RADIL: variants seen among roughly 807,000 people sequenced by gnomAD.
RADIL encodes ras-associating and dilute domain-containing protein.
RADIL carries 99 observed loss-of-function variants against 97.6 expected under a neutral mutation model. That is an observed-to-expected ratio of 1.01 (90% CI 0.86 to 1.20). The LOEUF (loss-of-function observed/expected upper bound fraction) is 1.20, where lower values mean the gene tolerates loss of function less well. Among genes scored for constraint, RADIL ranks in the 50% most tolerant of loss-of-function variants. The pLI, the probability that RADIL is intolerant of heterozygous loss-of-function variation, is 0.00. For synonymous variants in RADIL, 803 were observed against 691.8 expected, an observed-to-expected ratio of 1.16 and a Z score of -2.52; for missense variants, 1,765 against 1,498.9, an observed-to-expected ratio of 1.18 and a Z score of -2.93.
chr7:4,858,298 G>C (rs900950982), intron 2 of RADIL: 1 of 152,302 alleles, frequency 6.6e-6, no homozygotes, highest in Middle Eastern at 3.4e-3. Flanking sequence ...TTAAAGCAAG[G>C]CTAATTGGAA....
At chr7:4,826,731 TCAAAAAAAAAAAA>T (rs1476913183) in intron 5 of RADIL, among the ~76,000 whole-genome samples, 3 of 102,914 alleles carry the variant, frequency 2.9e-5, no homozygotes, top group South Asian at 5.8e-4. Context: ...AGACTCCGTC[TCAAAAAAAAAAAA>T]CAAAAAAAAA....
intron 5 of RADIL, among the ~76,000 whole-genome samples, chr7:4,825,130 A>T (rs959802508): frequency 1.3e-5 from 2 of 151,028 alleles, no homozygotes; most frequent in African/African-American, 4.9e-5. Context: ...GGGGAAGGGC[A>T]CTCGGGGGGG....
intron 9 of RADIL, among the ~76,000 whole-genome samples, chr7:4,806,956 G>A (rs962326665): frequency 7.2e-5 from 11 of 152,194 alleles, no homozygotes; most frequent in African/African-American, 2.4e-4. Flanking sequence ...TCGTCCTGCA[G>A]CCCTGGGATG....
At chr7:4,804,615 C>T (rs778610313) in intron 10 of RADIL, among the ~76,000 whole-genome samples, 15 of 151,914 alleles carry the variant, frequency 9.9e-5, no homozygotes, top group East Asian at 1.9e-4. Context: ...GGTGAAACCC[C>T]GTCTCTACCA....
chr7:4,861,839 T>TCCCCCACCACCGCGACCTTCACGTC, intron 2 of RADIL: 1 of 1,396,120 alleles, frequency 7.2e-7, no homozygotes, highest in Non-Finnish European at 9.3e-7. Flanking sequence ...CCAGGGCACG[T>TCCCCCACCACCGCGACCTTCACGTC]CCCCCACCAC....
At position 4,818,989 on chromosome 7, in the gene RADIL, G is replaced by T. The variant is rs190174063; in HGVS notation, c.1616-1638C>A. The stretch of plus-strand genomic sequence containing the variant: ...GCTGGTCTGGAACTCCAATCTACCC[G>T]CCTTGGCCCCCCAAAGTGCTGGGAT... On this transcript the variant is annotated intron_variant, in intron 6 of 14. Coordinates refer to ENST00000399583, the MANE Select transcript of RADIL (RefSeq NM_018059.5). The surrounding 1 kb of genome is among the most constrained non-coding windows in gnomAD (Gnocchi z 7.1). Among the ~76,000 whole-genome samples, 1 of 151,492 alleles carries T rather than the reference G, an allele frequency of 6.6e-6. No individual in the cohort carries two copies. Among genetic ancestry groups the T allele is most frequent in the South Asian group, 2.1e-4 (1 of 4,794 alleles).
chr7:4,823,011 A>G (rs1426026917), intron 5 of RADIL, among the ~76,000 whole-genome samples: 2 of 152,234 alleles, frequency 1.3e-5, no homozygotes, highest in African/African-American at 2.4e-5. Flanking sequence ...AAAGGAAATA[A>G]ACAATAATAG....
At chr7:4,860,695 G>C (rs1355676086) in intron 2 of RADIL, 1 of 1,614,020 alleles carries the variant, frequency 6.2e-7, no homozygotes, top group African/African-American at 1.3e-5. Flanking sequence ...TATAATGCTT[G>C]TACTTTTGAA....
intron 10 of RADIL, among the ~76,000 whole-genome samples, chr7:4,804,892 C>G (rs181102014): frequency 1.3e-5 from 2 of 151,792 alleles, no homozygotes; most frequent in Non-Finnish European, 2.9e-5. Flanking sequence ...GTCAGGAGTT[C>G]GAGACCAGCC....
At position 4,842,328 on chromosome 7, in the gene RADIL, C is replaced by T. The variant is rs907257296; in HGVS notation, c.536-5723G>A. 6.6e-6 allele frequency among the ~76,000 whole-genome samples: 1 copy of T among 152,190 alleles called. No individual in the cohort carries two copies. The highest frequency in any genetic ancestry group is 1.5e-5 in the Non-Finnish European group (1 of 68,030). On this transcript the variant is annotated intron_variant, in intron 2 of 14. Coordinates refer to ENST00000399583, the MANE Select transcript of RADIL (RefSeq NM_018059.5). This position sits in a 1 kb window ranked among gnomAD's most constrained non-coding sequence, Gnocchi z 4.5. Reference sequence around the variant, plus strand: ...AAGCTCTGTTAGCGGCCTTCCTCCCCAGCCTGGGCCAAGCCGAGCTGCTGA... The same window carrying T: ...AAGCTCTGTTAGCGGCCTTCCTCCCTAGCCTGGGCCAAGCCGAGCTGCTGA...
intron 11 of RADIL, among the ~76,000 whole-genome samples, chr7:4,802,893 C>T (rs555692085): frequency 8.8e-4 from 105 of 119,714 alleles, no homozygotes; most frequent in African/African-American, 3.8e-3. Context: ...CTGGGGGGCC[C>T]CCTCCCCGGG....
chr7:4,844,623 A>G (rs897630732), intron 2 of RADIL, among the ~76,000 whole-genome samples: 5 of 152,082 alleles, frequency 3.3e-5, no homozygotes, highest in African/African-American at 1.2e-4. Context: ...TTTGTTTTTG[A>G]GAGAGGGTCT....
At chr7:4,838,900 T>C (rs1233479181) in intron 2 of RADIL, among the ~76,000 whole-genome samples, 2 of 152,244 alleles carry the variant, frequency 1.3e-5, no homozygotes, top group Non-Finnish European at 2.9e-5. Context: ...CTCAGTCCCC[T>C]GCTGTGGAAC....
rs11981352 is a variant in RADIL at position 4,817,947 on chromosome 7, C to T, written c.1616-596G>A. Among the ~76,000 whole-genome samples, 12,675 of 152,296 alleles carry T rather than the reference C, an allele frequency of 0.083. 1,181 individuals carry two copies. Among genetic ancestry groups the T allele is most frequent in the African/African-American group, 0.23 (9,739 of 41,546 alleles). ...TGGGAGGCCCCCAACAGGGTGGAGC[C>T]TTCCCCGGGGGCTTCCAGAAAGTGA... On this transcript the variant is annotated intron_variant, in intron 6 of 14. Transcript: ENST00000399583. This position sits in a 1 kb window ranked among gnomAD's most constrained non-coding sequence, Gnocchi z 8.3.
chr7:4,876,282 C>A (rs1784374534), intron 2 of RADIL, among the ~76,000 whole-genome samples: 1 of 152,056 alleles, frequency 6.6e-6, no homozygotes, highest in African/African-American at 2.4e-5. Flanking sequence ...AGCCACCACA[C>A]CCGGCCAAAT....
intron 1 of RADIL, among the ~76,000 whole-genome samples, chr7:4,881,944 A>T (rs1056978645): frequency 2.2e-5 from 3 of 135,314 alleles, no homozygotes; most frequent in African/African-American, 8.5e-5. Flanking sequence ...TGTTCCCCCC[A>T]CTTCCCCCCA....
Position 4,867,238 on chromosome 7 carries a change from C to T in RADIL, c.535+10367G>A, listed in dbSNP as rs1784150667. 6.6e-6 allele frequency among the ~76,000 whole-genome samples: 1 copy of T among 152,174 alleles called. No individual in the cohort carries two copies. The highest frequency in any genetic ancestry group is 1.5e-5 in the Non-Finnish European group (1 of 68,032). ...GCTTCTGAGGAAGCTGCTGTCCAGCCATGCTCACCAGGAAATGACATGCAC... is the reference window on the plus strand; with the variant it reads ...GCTTCTGAGGAAGCTGCTGTCCAGCTATGCTCACCAGGAAATGACATGCAC... On this transcript the variant is annotated intron_variant, in intron 2 of 14. Coordinates refer to ENST00000399583, the MANE Select transcript of RADIL (RefSeq NM_018059.5). This position sits in a 1 kb window ranked among gnomAD's most constrained non-coding sequence, Gnocchi z 4.1.
At chr7:4,875,967 G>T (rs888729311) in intron 2 of RADIL, among the ~76,000 whole-genome samples, 2 of 152,094 alleles carry the variant, frequency 1.3e-5, no homozygotes, top group African/African-American at 4.8e-5. Context: ...CAGACTTTAA[G>T]AGCCATAATT....
Position 4,821,089 on chromosome 7 carries a change from G to A in RADIL, c.1615+1305C>T, listed in dbSNP as rs1263942414. Among the ~76,000 whole-genome samples the A allele has an allele frequency of 1.3e-5, 2 of 152,204 alleles. No individual in the cohort carries two copies. Among genetic ancestry groups the A allele is most frequent in the Admixed American group, 1.3e-4 (2 of 15,282 alleles). ...GAGACCCCGCAGCGTCTGGTAGACT[G>A]AGCCTGTGGGAGCTCCTGTCCCTGC... On this transcript the variant is annotated intron_variant, in intron 6 of 14. Coordinates refer to ENST00000399583, the MANE Select transcript of RADIL (RefSeq NM_018059.5). The surrounding 1 kb of genome is among the most constrained non-coding windows in gnomAD (Gnocchi z 5.2).
Sources: allele counts gnomAD v4.1 joint callset (sites outside exome capture counted in the v4.1 genomes callset), GRCh38; gene constraint gnomAD v4.1.1; non-coding constraint Gnocchi (gnomAD v3.1); transcripts MANE v1.5; gene names NCBI Gene and HGNC (gene_info 2026-07-23, HGNC 2026-07-21).